The following MDN1 variants were observed in gnomAD, a reference collection of about 807,000 sequenced individuals.
The protein encoded by MDN1 is midasin AAA ATPase 1, also known as midasin.
A neutral mutation model predicts 669.2 loss-of-function variants in MDN1; 266 were observed. That is an observed-to-expected ratio of 0.40 (90% CI 0.36 to 0.44). The LOEUF (loss-of-function observed/expected upper bound fraction) is 0.44, where lower values mean the gene tolerates loss of function less well. Among genes scored for constraint, MDN1 ranks in the 20% least tolerant of loss-of-function variants. The probability of loss-of-function intolerance (pLI) is 1.00; values close to 1 mark genes in which losing one functional copy is unlikely to be tolerated. For synonymous variants in MDN1, 2,385 were observed against 2,457.1 expected (o/e 0.97, Z 0.87); for missense variants, 5,940 against 6,754.0 (o/e 0.88, Z 4.22).
Position 89,655,861 on chromosome 6 carries a change from C to T in MDN1, c.15393G>A (p.Glu5131=), listed in dbSNP as rs1262079111. The change falls in exon 92 of 102, where the codon GAG becomes GAA. Residue 5131 remains glutamate (E), a synonymous_variant. Transcript: ENST00000369393. Reference sequence around the variant, plus strand: ...CCTGGGGCTGCTGAGCTGGCCCCTGCTCGGCATGGCTGTCCGTATCCACAG... The same window carrying T: ...CCTGGGGCTGCTGAGCTGGCCCCTGTTCGGCATGGCTGTCCGTATCCACAG... ...LRTVDTDSHA[E]QGPAQQPQAQ... is the part of the protein sequence containing the mutation. 3.7e-6 allele frequency: 6 copies of T among 1,614,130 alleles called. No individual in the cohort carries two copies. Among genetic ancestry groups the T allele is most frequent in the Middle Eastern group, 3.3e-4 (2 of 6,062 alleles).
At position 89,794,670 on chromosome 6, in the gene MDN1, T is replaced by C. The variant is rs374776830; in HGVS notation, c.461A>G (p.Lys154Arg). ...CACAGACTGCTCCTGCTGCAGAAAC[T>C]TGAAGGCTGCTTCCATTAGGTCCCG... ...KLRDLMEAAFKFLQQEQSVFR... is the reference protein window; with the variant it reads ...KLRDLMEAAFRFLQQEQSVFR... The change falls in exon 3 of 102, where the codon AAG becomes AGG. Residue 154 changes from lysine to arginine, a missense_variant. Around this residue, in one of 5 missense-constraint regions of MDN1, gnomAD observed 1,203 missense variants for 1,268.9 expected, o/e 0.95. Transcript: ENST00000369393. 2 of 1,614,084 alleles carry C rather than the reference T, an allele frequency of 1.2e-6. No individual in the cohort carries two copies. Among genetic ancestry groups the C allele is most frequent in the Non-Finnish European group, 1.7e-6 (2 of 1,180,048 alleles).
chr6:89,683,861 G>A lies in MDN1; in HGVS notation c.11873C>T (p.Ser3958Phe). The change falls in exon 72 of 102, where the codon TCC becomes TTC. Residue 3958 changes from serine to phenylalanine, a missense_variant. Ser to Phe is a radical substitution (Grantham distance 155). Around this residue, in one of 5 missense-constraint regions of MDN1, gnomAD observed 2,280 missense variants for 2,576.3 expected, o/e 0.88. Coordinates refer to ENST00000369393, the MANE Select transcript of MDN1 (RefSeq NM_014611.3). ...ISKWNDVSFW[S>F]IKQSVEKTHR... ...TGTCTTTTCTACAGATTGCTTAATGGACCAGAAGCTGACATCATTCCACTT... is the reference window on the plus strand; with the variant it reads ...TGTCTTTTCTACAGATTGCTTAATGAACCAGAAGCTGACATCATTCCACTT... 1 of 1,613,504 alleles carries A rather than the reference G, an allele frequency of 6.2e-7. No homozygotes were observed. The highest frequency in any genetic ancestry group is 2.2e-5 in the East Asian group (1 of 44,870).
At position 89,668,055 on chromosome 6, in the gene MDN1, C is replaced by T; in HGVS notation, c.14053G>A (p.Gly4685Ser). 3 of 1,614,054 alleles carry T rather than the reference C, an allele frequency of 1.9e-6. No homozygotes were observed. Among genetic ancestry groups the T allele is most frequent in the Non-Finnish European group, 2.5e-6 (3 of 1,179,986 alleles). ...ATCTGGTCACTCACATCCTTCATGCCCTCGCCTTCTCCAATTCCACCTCCC... is the reference window on the plus strand; with the variant it reads ...ATCTGGTCACTCACATCCTTCATGCTCTCGCCTTCTCCAATTCCACCTCCC... ...YEGGGIGEGE[G>S]MKDVSDQIGN... Residue 4685 changes from glycine to serine, a missense_variant, in exon 84 of 102, where the codon GGC becomes AGC. This residue lies in a region of MDN1 where 2,280 missense variants were observed against 2,576.3 expected (regional missense o/e 0.88). Transcript: ENST00000369393.
At chr6:89,703,079 C>T (rs921588939) in intron 53 of MDN1, among the ~76,000 whole-genome samples, 4 of 151,876 alleles carry the variant, frequency 2.6e-5, no homozygotes, top group Non-Finnish European at 5.9e-5. Flanking sequence ...GGATTACAGG[C>T]GCCTGCCACC....
chr6:89,689,876 G>A lies in MDN1; in HGVS notation c.11017C>T (p.Leu3673=), dbSNP rs373904969. The change falls in exon 65 of 102, where the codon CTG becomes TTG. Residue 3673 remains leucine (L), a synonymous_variant. Transcript: ENST00000369393. The part of the protein sequence containing the change: ...GASLVTHFYP[L]MGVELNDRLL... ...CAAAAGTAAACTACCATACCCATCA[G>A]GGGGTAGAAGTGTGTCACAAGCGAT... 1 of 1,613,862 alleles carries A rather than the reference G, an allele frequency of 6.2e-7. No individual in the cohort carries two copies. Among genetic ancestry groups the A allele is most frequent in the Non-Finnish European group, 8.5e-7 (1 of 1,179,932 alleles).
In MDN1 at chr6:89,699,615, G is replaced by C; in HGVS notation, c.8983C>G (p.Leu2995Val). Residue 2995 changes from leucine to valine, a missense_variant, in exon 58 of 102, where the codon CTG becomes GTG. Leu to Val is a conservative substitution (Grantham distance 32). Coordinates refer to ENST00000369393, the MANE Select transcript of MDN1 (RefSeq NM_014611.3). ...GTGATTTTTACCTTCTGATGATGCAGCAAGGACCACAGATCTCGAAGCTCT... is the reference window on the plus strand; with the variant it reads ...GTGATTTTTACCTTCTGATGATGCACCAAGGACCACAGATCTCGAAGCTCT... ...PQELRDLWSL[L>V]HHQKVSPEEI... 6.2e-7 allele frequency: 1 copy of C among 1,612,936 alleles called. No individual in the cohort carries two copies. Among genetic ancestry groups the C allele is most frequent in the African/African-American group, 1.3e-5 (1 of 75,008 alleles).
At chr6:89,808,062 T>C (rs1163545382) in intron 1 of MDN1, among the ~76,000 whole-genome samples, 1 of 152,046 alleles carries the variant, frequency 6.6e-6, no homozygotes. Flanking sequence ...CCTCAAGTGG[T>C]TCCTCTTGGC....
At chr6:89,700,514 T>C (rs1813080846) in intron 56 of MDN1, 132 bp downstream of exon 56, 1 of 845,480 alleles carries the variant, frequency 1.2e-6, no homozygotes, top group Admixed American at 2.8e-5. Context: ...TGCCTGACAC[T>C]TATATAAAGG....
intron 48 of MDN1, 57 bp downstream of exon 48, chr6:89,712,518 C>T: frequency 6.6e-7 from 1 of 1,524,634 alleles, no homozygotes; most frequent in Non-Finnish European, 9.1e-7. Flanking sequence ...TGACCATTTC[C>T]AGCAAAAATA....
At chr6:89,761,455 A>G (rs1295184192) in intron 17 of MDN1, among the ~76,000 whole-genome samples, 190 bp downstream of exon 17, 1 of 152,168 alleles carries the variant, frequency 6.6e-6, no homozygotes, top group Non-Finnish European at 1.5e-5. Flanking sequence ...GTACTTTTAA[A>G]ATTTTTATTT....
intron 2 of MDN1, among the ~76,000 whole-genome samples, chr6:89,800,244 A>G (rs952091618): frequency 2.0e-5 from 3 of 152,092 alleles, no homozygotes; most frequent in Admixed American, 1.3e-4. Flanking sequence ...CCTGACCAAC[A>G]TGGAGAAACC....
At chr6:89,732,918 G>A (rs1161554663) in intron 33 of MDN1, 143 bp from the exon 34 acceptor site, 4 of 675,116 alleles carry the variant, frequency 5.9e-6, no homozygotes, top group Admixed American at 5.9e-5. Flanking sequence ...CATAAATGCT[G>A]TTTCTAACAA....
Position 89,771,575 on chromosome 6 carries a change from T to C in MDN1, c.2130A>G (p.Ala710=). 1 of 1,613,964 alleles carries C rather than the reference T, an allele frequency of 6.2e-7. No homozygotes were observed. Among genetic ancestry groups the C allele is most frequent in the Non-Finnish European group, 8.5e-7 (1 of 1,179,908 alleles). Residue 710 remains alanine, a synonymous_variant, in exon 15 of 102, where the codon GCA becomes GCG. Coordinates refer to ENST00000369393, the MANE Select transcript of MDN1 (RefSeq NM_014611.3). ...GCCACACTTACCCTCCAAGCAAGTC[T>C]GCAGTATCACTTTGTTGATTCATAT... ...VVNMNQQSDT[A]DLLGGYKPVD...
At chr6:89,667,056 A>G (rs141074100) in intron 84 of MDN1, among the ~76,000 whole-genome samples, 1 of 152,356 alleles carries the variant, frequency 6.6e-6, no homozygotes, top group Non-Finnish European at 1.5e-5. Flanking sequence ...GAAAACATGG[A>G]ATTTGGGGGT....
chr6:89,715,886 C>G, intron 44 of MDN1, 117 bp from the exon 45 acceptor site: 9 of 726,474 alleles, frequency 1.2e-5, no homozygotes, highest in Non-Finnish European at 2.2e-5. Flanking sequence ...CACAATCATT[C>G]ACCCAGATAC....
chr6:89,712,339 C>T, intron 48 of MDN1, 83 bp from the exon 49 acceptor site: 2 of 1,290,878 alleles, frequency 1.5e-6, no homozygotes, highest in Non-Finnish European at 2.2e-6. Context: ...ACCTCTTTCA[C>T]AAATATTGGA....
chr6:89,762,755 A>G (rs1450131465), intron 15 of MDN1, among the ~76,000 whole-genome samples: 1 of 152,210 alleles, frequency 6.6e-6, no homozygotes, highest in Non-Finnish European at 1.5e-5. Context: ...TTAGATAAAC[A>G]GTGTTATGAA....
At chr6:89,818,426 G>A (rs1299667888) in intron 1 of MDN1, among the ~76,000 whole-genome samples, 1 of 151,846 alleles carries the variant, frequency 6.6e-6, no homozygotes, top group African/African-American at 2.4e-5. Flanking sequence ...TTGAGCCCAG[G>A]GGTTCCAGAC....
Position 89,700,265 on chromosome 6 carries a change from A to T in MDN1, c.8668T>A (p.Cys2890Ser). Residue 2890 changes from cysteine (C) to serine (S), a missense_variant, in exon 57 of 102, where the codon TGT becomes AGT. By Grantham distance (112) the Cys-to-Ser change is moderately radical. This residue lies in a region of MDN1 where 2,292 missense variants were observed against 2,638.3 expected (regional missense o/e 0.87). Coordinates refer to ENST00000369393, the MANE Select transcript of MDN1 (RefSeq NM_014611.3). The part of the protein sequence containing the change: ...DELKNFVHAQ[C>S]LELKAKGLSL... ...AGTCCTTTGGCTTTCAGTTCTAAAC[A>T]CTGAGCATGCACAAAATTCTTCAAT... 1 of 1,614,174 alleles carries T rather than the reference A, an allele frequency of 6.2e-7. No individual in the cohort carries two copies. Among genetic ancestry groups the T allele is most frequent in the Non-Finnish European group, 8.5e-7 (1 of 1,180,004 alleles).
Sources: gnomAD v4.1 joint callset for allele counts (sites outside exome capture counted in the v4.1 genomes callset) on GRCh38, gnomAD v4.1.1 for gene constraint, gnomAD v4.1.1 regional missense constraint, MANE v1.5 for transcripts, NCBI Gene and HGNC (gene_info 2026-07-23, HGNC 2026-07-21) for gene names.